Variants in FAM240C observed in about 807,000 individuals in gnomAD.
FAM240C encodes protein FAM240C.
FAM240C carries 14 observed loss-of-function variants against 10.0 expected under a neutral mutation model. That is an observed-to-expected ratio of 1.40 (90% CI 0.92 to 2.19). The LOEUF (loss-of-function observed/expected upper bound fraction) is 2.19, where lower values mean the gene tolerates loss of function less well. Ranked by LOEUF, FAM240C falls within the 30% of genes most tolerant of loss-of-function variation. FAM240C has a pLI of 0.00. For missense variants in FAM240C, 154 were observed against 122.3 expected (o/e 1.26, Z -1.22); for synonymous variants, 49 against 44.3 (o/e 1.11, Z -0.42).
chr2:241,899,640 G>T (rs1487952681), intron 1 of FAM240C, among the ~76,000 whole-genome samples: 1 of 152,242 alleles, frequency 6.6e-6, no homozygotes, highest in Non-Finnish European at 1.5e-5. Context: ...CTTGGCAGGG[G>T]CTTCAGAGAG....
chr2:241,901,773 A>G (rs1171441666), upstream of FAM240C, among the ~76,000 whole-genome samples: 5 of 152,238 alleles, frequency 3.3e-5, no homozygotes, highest in African/African-American at 4.8e-5. This position sits in a 1 kb window ranked among gnomAD's most constrained non-coding sequence, Gnocchi z 4.9. Flanking sequence ...GAATAGCCCC[A>G]GGAGAGGCGT....
chr2:241,898,584 C>T (rs1468467442), intron 1 of FAM240C, among the ~76,000 whole-genome samples: 7 of 147,228 alleles, frequency 4.8e-5, no homozygotes, highest in East Asian at 2.1e-4. Flanking sequence ...AAAGAATGTC[C>T]GTGACAAAGG....
intron 2 of FAM240C, among the ~76,000 whole-genome samples, chr2:241,896,648 TG>T (rs1701821662): frequency 4.3e-5 from 1 of 23,516 alleles, no homozygotes; most frequent in Non-Finnish European, 9.6e-5. Flanking sequence ...GGTGAAGGGG[TG>T]TGGGTGAAGG....
chr2:241,898,276 C>T (rs987415090), intron 1 of FAM240C, among the ~76,000 whole-genome samples: 3 of 152,150 alleles, frequency 2.0e-5, no homozygotes, highest in Non-Finnish European at 4.4e-5. Flanking sequence ...CAAGGCCGGG[C>T]GTGGTGGCTC....
intron 2 of FAM240C, among the ~76,000 whole-genome samples, chr2:241,895,494 G>A (rs1701774692): frequency 6.6e-6 from 1 of 152,208 alleles, no homozygotes; most frequent in Admixed American, 6.5e-5. Flanking sequence ...CTCTCACGGC[G>A]GCTTCCTGGG....
In FAM240C at chr2:241,897,328, T is replaced by G; in HGVS notation, c.19A>C (p.Ser7Arg). The G allele has an allele frequency of 1.3e-6, 2 of 1,549,458 alleles. No homozygotes were observed. Among genetic ancestry groups the G allele is most frequent in the Non-Finnish European group, 1.7e-6 (2 of 1,146,254 alleles). MVGKNMSKSLTLKNPGR... is the reference protein window; with the variant it reads MVGKNMRKSLTLKNPGR... ...GGATTCTTAAGAGTGAGGCTTTTAC[T>G]CATGTTCTGGAAAATAAAAAGTGGA... The change falls in exon 2 of 3, where the codon AGT (serine) becomes CGT (arginine). Residue 7 changes from serine to arginine, a missense_variant. Physicochemically the swap from Ser to Arg is moderately radical, Grantham distance 110 (BLOSUM62 -1). Coordinates refer to ENST00000404031, the MANE Select transcript of FAM240C (RefSeq NM_001382368.1).
rs767386773 is a variant in FAM240C, at chr2:241,897,205, G to A, written c.142C>T (p.Arg48Cys). The change falls in exon 2 of 3, where the codon CGC becomes TGC. Residue 48 changes from arginine to cysteine, a missense_variant. By Grantham distance (180) the Arg-to-Cys change is radical. Coordinates refer to ENST00000404031, the MANE Select transcript of FAM240C (RefSeq NM_001382368.1). The stretch of plus-strand genomic sequence containing the variant: ...ACTCACTTGTTCAGAGCGCTTCTGC[G>A]AACCCTGATGTCCTCGTTCTGCAGG... Reference protein sequence around the residue: ...RHLQNEDIRVRRSALNKLRVG... With the variant: ...RHLQNEDIRVCRSALNKLRVG... The A allele has an allele frequency of 5.7e-5, 89 of 1,549,688 alleles. No homozygotes were observed. Among genetic ancestry groups the A allele is most frequent in the Non-Finnish European group, 7.5e-5 (86 of 1,146,470 alleles).
rs544030321 is a variant in FAM240C, at chr2:241,897,330, A to G, written c.17T>C (p.Met6Thr). 6.5e-7 allele frequency: 1 copy of G among 1,549,226 alleles called. No homozygotes were observed. Among genetic ancestry groups the G allele is most frequent in the Non-Finnish European group, 8.7e-7 (1 of 1,146,158 alleles). MVGKNMSKSLTLKNPG... is the reference protein window; with the variant it reads MVGKNTSKSLTLKNPG... ...ATTCTTAAGAGTGAGGCTTTTACTC[A>G]TGTTCTGGAAAATAAAAAGTGGAGA... Residue 6 changes from methionine to threonine, a missense_variant, in exon 2 of 3, where the codon ATG becomes ACG. Met to Thr is a moderately conservative substitution (Grantham distance 81, BLOSUM62 -1). Coordinates refer to ENST00000404031, the MANE Select transcript of FAM240C (RefSeq NM_001382368.1).
chr2:241,900,238 C>T lies in FAM240C; in HGVS notation c.12+120G>A, dbSNP rs531035493. On this transcript the variant is annotated intron_variant, in intron 1 of 2. Coordinates refer to ENST00000404031, the MANE Select transcript of FAM240C (RefSeq NM_001382368.1). This position sits in a 1 kb window ranked among gnomAD's most constrained non-coding sequence, Gnocchi z 4.5. ...AAAGTTCAGTTCCCCCAGCGAAATG[C>T]GGGTGGGCTCACGTCTTGTGCCAGA... 9 of 659,942 alleles carry T rather than the reference C, an allele frequency of 1.4e-5. No homozygotes were observed. Among genetic ancestry groups the T allele is most frequent in the African/African-American group, 3.6e-5 (2 of 55,526 alleles). The allele number at this position is 659,942 out of a possible 1,614,324, so 40.9% of individuals were successfully genotyped here. A position where few individuals can be genotyped will look rare whatever the true frequency, so the allele number is the denominator to read the frequency against.
chr2:241,901,014 G>T (rs1435815446), upstream of FAM240C, among the ~76,000 whole-genome samples: 2 of 152,100 alleles, frequency 1.3e-5, no homozygotes, highest in African/African-American at 2.4e-5. This position sits in a 1 kb window ranked among gnomAD's most constrained non-coding sequence, Gnocchi z 4.9. Context: ...TCCAGACCTT[G>T]GTCCAGAGAC....
chr2:241,902,330 C>T (rs1311889760), upstream of FAM240C, among the ~76,000 whole-genome samples: 1 of 120,548 alleles, frequency 8.3e-6, no homozygotes, highest in Non-Finnish European at 1.9e-5. The surrounding 1 kb of genome is among the most constrained non-coding windows in gnomAD (Gnocchi z 7.1). Flanking sequence ...CGCCTCCCCT[C>T]CGCCGCCGCC....
In FAM240C at chr2:241,894,326, A is replaced by G; in HGVS notation, c.175T>C (p.Trp59Arg). 1 of 1,546,474 alleles carries G rather than the reference A, an allele frequency of 6.5e-7. No individual in the cohort carries two copies. Among genetic ancestry groups the G allele is most frequent in the Non-Finnish European group, 8.7e-7 (1 of 1,145,154 alleles). Residue 59 changes from tryptophan to arginine, a missense_variant, in exon 3 of 3, where the codon TGG (tryptophan) becomes CGG (arginine). Physicochemically the swap from Trp to Arg is moderately radical, Grantham distance 101. Transcript: ENST00000404031. ...RSALNKLRVG[W>R]AEQLEGRNKM... ...TTCCTCCCCTCCAGCTGCTCAGCCC[A>G]TCCCACGCGGAGCCTGGGGCAGGGC...
chr2:241,900,556 C>A (rs1559470544), upstream of FAM240C: 17 of 596,402 alleles, frequency 2.9e-5, 1 homozygote, highest in East Asian at 4.8e-4. The surrounding 1 kb of genome is among the most constrained non-coding windows in gnomAD (Gnocchi z 4.5). Context: ...GCAGAGCTGT[C>A]CGTCCGGAGG....
rs1422449909 is a variant in FAM240C at position 241,894,270 on chromosome 2, T to G, written c.231A>C (p.Pro77=). The change falls in exon 3 of 3, where the codon CCA becomes CCC. Residue 77 remains proline, a synonymous_variant. Transcript: ENST00000404031. ...NKMLQGPGRC[P]DRVPEATESL... ...ACTCAGTGGCCTCCGGGACCCTGTC[T>G]GGGCATCTCCCTGGGCCCTGCAGCA... The G allele has an allele frequency of 8.4e-6, 13 of 1,549,904 alleles. No homozygotes were observed. The East Asian group carries it at 3.2e-4, about 38-fold the overall frequency.
intron 1 of FAM240C, among the ~76,000 whole-genome samples, chr2:241,898,799 C>T (rs981299818): frequency 3.3e-5 from 5 of 152,264 alleles, no homozygotes; most frequent in East Asian, 3.9e-4. Context: ...GCCAGGGCCA[C>T]GTTTCGGGGT....
chr2:241,900,515 C>A, upstream of FAM240C: 2 of 640,976 alleles, frequency 3.1e-6, no homozygotes, highest in Non-Finnish European at 5.8e-6. This position sits in a 1 kb window ranked among gnomAD's most constrained non-coding sequence, Gnocchi z 4.5. Flanking sequence ...CCCAGAAAGA[C>A]GCGCTGCCCT....
In FAM240C at chr2:241,894,055, T is replaced by C; in HGVS notation, c.*158A>G. 1 of 769,916 alleles carries C rather than the reference T, an allele frequency of 1.3e-6. No individual in the cohort carries two copies. The highest frequency in any genetic ancestry group is 2.2e-5 in the South Asian group (1 of 46,464). 47.7% of individuals were successfully genotyped at this position (769,916 alleles called of 1,614,324 possible). A position where few individuals can be genotyped will look rare whatever the true frequency, so the allele number is the denominator to read the frequency against. ...AGAACCCTGGGACTCTGCTGCAGCGTGGACCCCGAGGTGGGATTATTACGG... is the reference window on the plus strand; with the variant it reads ...AGAACCCTGGGACTCTGCTGCAGCGCGGACCCCGAGGTGGGATTATTACGG... On this transcript the variant is annotated 3_prime_UTR_variant, in exon 3 of 3. Coordinates refer to ENST00000404031, the MANE Select transcript of FAM240C (RefSeq NM_001382368.1).
Position 241,894,352 on chromosome 2 carries a change from G to A in FAM240C, c.162-13C>T, listed in dbSNP as rs951533550. 24 of 1,534,090 alleles carry A rather than the reference G, an allele frequency of 1.6e-5. No individual in the cohort carries two copies. The highest frequency in any genetic ancestry group is 2.7e-5 in the African/African-American group (2 of 72,830). Reference sequence around the variant, plus strand: ...TCCCACGCGGAGCCTGGGGCAGGGCGATAATTTCGGCATTGTGAGTCAAGC... The same window carrying A: ...TCCCACGCGGAGCCTGGGGCAGGGCAATAATTTCGGCATTGTGAGTCAAGC... On this transcript the variant is annotated splice_polypyrimidine_tract_variant and intron_variant, in intron 2 of 2. Coordinates refer to ENST00000404031, the MANE Select transcript of FAM240C (RefSeq NM_001382368.1).
intron 1 of FAM240C, among the ~76,000 whole-genome samples, chr2:241,898,099 G>T (rs1240263900): frequency 6.6e-6 from 1 of 152,236 alleles, no homozygotes. Flanking sequence ...AAACCCAGCA[G>T]TGGGGTTAAA....
Sources: gnomAD v4.1 joint callset for allele counts (sites outside exome capture counted in the v4.1 genomes callset) on GRCh38, gnomAD v4.1.1 for gene constraint, Gnocchi (gnomAD v3.1) non-coding constraint, MANE v1.5 for transcripts, NCBI Gene and HGNC (gene_info 2026-07-23, HGNC 2026-07-21) for gene names.